RNF216: variants seen among roughly 807,000 people sequenced by gnomAD.
RNF216 encodes E3 ubiquitin-protein ligase RNF216.
RNF216 carries 72 observed loss-of-function variants against 110.8 expected under a neutral mutation model. That is an observed-to-expected ratio of 0.65 (90% CI 0.54 to 0.79). RNF216 has a LOEUF of 0.79. Among genes scored for constraint, RNF216 ranks in the 30% least tolerant of loss-of-function variants. RNF216 has a pLI of 0.00. For synonymous variants in RNF216, 495 were observed against 407.5 expected, an observed-to-expected ratio of 1.21 and a Z score of -2.59; for missense variants, 1,342 against 1,141.2, an observed-to-expected ratio of 1.18 and a Z score of -2.54.
At position 5,620,510 on chromosome 7, in the gene RNF216, G is replaced by C. The variant is rs1161481627; in HGVS notation, c.*2350C>G. On this transcript the variant is annotated 3_prime_UTR_variant, in exon 17 of 17. Coordinates refer to ENST00000389902, the MANE Select transcript of RNF216 (RefSeq NM_207111.4). ...TTCAGGCCCTGCCTCTGGACAGAGG[G>C]GCCTGGAGAACCAGGGTGGGTGCTC... 1 of 152,248 alleles carries C rather than the reference G, an allele frequency of 6.6e-6. No individual in the cohort carries two copies. Among genetic ancestry groups the C allele is most frequent in the Non-Finnish European group, 1.5e-5 (1 of 68,078 alleles). The allele number at this position is 152,248 out of a possible 1,614,324, so 9.4% of individuals were successfully genotyped here.
rs189087910 is a variant in RNF216 at position 5,660,637 on chromosome 7, G to A, written c.2062-8127C>T. ...GTGTCACCCAGGTTGGAGTGTAGTGGCACAATCTTGGCTCACTGCAGTCGC... is the reference window on the plus strand; with the variant it reads ...GTGTCACCCAGGTTGGAGTGTAGTGACACAATCTTGGCTCACTGCAGTCGC... On this transcript the variant is annotated intron_variant, in intron 13 of 16. Transcript: ENST00000389902. Among the ~76,000 whole-genome samples, 230 of 151,812 alleles carry A rather than the reference G, an allele frequency of 1.5e-3. 2 individuals are homozygous for A. Among genetic ancestry groups the A allele is most frequent in the African/African-American group, 5.3e-3 (219 of 41,394 alleles).
intron 15 of RNF216, among the ~76,000 whole-genome samples, chr7:5,628,621 C>T (rs1786865136): frequency 6.6e-6 from 1 of 151,900 alleles, no homozygotes; most frequent in South Asian, 2.1e-4. Context: ...CTCCTGGGCT[C>T]AAGAGATCTT....
intron 5 of RNF216, among the ~76,000 whole-genome samples, chr7:5,734,577 G>A (rs1171368650): frequency 1.3e-5 from 2 of 149,606 alleles, no homozygotes; most frequent in Non-Finnish European, 1.5e-5. Flanking sequence ...AGAAGAGTGA[G>A]TAACTGGCAT....
intron 5 of RNF216, 121 bp from the exon 6 acceptor site, chr7:5,730,938 A>C (rs1285103532): frequency 1.8e-5 from 25 of 1,404,046 alleles, no homozygotes; most frequent in Admixed American, 7.4e-5. Flanking sequence ...CCTATCAAGA[A>C]ATTAAGATGT....
At chr7:5,719,967 G>A (rs1325178161) in intron 9 of RNF216, among the ~76,000 whole-genome samples, 4 of 152,138 alleles carry the variant, frequency 2.6e-5, no homozygotes, top group Admixed American at 6.5e-5. Flanking sequence ...TGTTTCCAAC[G>A]GTCAAAACTT....
chr7:5,689,124 G>A (rs1791166971), intron 13 of RNF216, among the ~76,000 whole-genome samples: 1 of 152,054 alleles, frequency 6.6e-6, no homozygotes, highest in African/African-American at 2.4e-5. Context: ...TGCCTTGTGA[G>A]CCAATATGCA....
intron 4 of RNF216, among the ~76,000 whole-genome samples, chr7:5,740,685 C>A (rs1421987949): frequency 6.6e-6 from 1 of 151,874 alleles, no homozygotes; most frequent in Non-Finnish European, 1.5e-5. Context: ...TTGGAGTGAA[C>A]TCAAGGAATT....
chr7:5,766,018 T>C (rs1022207861), intron 1 of RNF216, among the ~76,000 whole-genome samples: 2 of 150,748 alleles, frequency 1.3e-5, no homozygotes, highest in African/African-American at 4.9e-5. Flanking sequence ...TGGCTCACAC[T>C]TGTAATCCAG....
chr7:5,689,947 AG>A (rs1231814415), intron 13 of RNF216, among the ~76,000 whole-genome samples: 2 of 151,298 alleles, frequency 1.3e-5, no homozygotes, highest in East Asian at 3.9e-4. Flanking sequence ...AAAAAAAAAA[AG>A]AACAGAAAAG....
chr7:5,678,337 C>T (rs1790436522), intron 13 of RNF216, among the ~76,000 whole-genome samples: 1 of 152,196 alleles, frequency 6.6e-6, no homozygotes, highest in African/African-American at 2.4e-5. Context: ...ATATTACCTG[C>T]GTTTCATAAA....
intron 6 of RNF216, 52 bp from the exon 7 acceptor site, chr7:5,729,648 A>T: frequency 2.1e-6 from 3 of 1,414,968 alleles, no homozygotes; most frequent in Middle Eastern, 1.8e-4. Flanking sequence ...CATTTCCCAT[A>T]CAGGGGAAAT....
intron 13 of RNF216, among the ~76,000 whole-genome samples, chr7:5,664,572 T>G (rs1401100259): frequency 6.6e-6 from 1 of 152,198 alleles, no homozygotes; most frequent in African/African-American, 2.4e-5. Flanking sequence ...TGAAAATGTG[T>G]GCCCAAGAGA....
chr7:5,727,629 G>A (rs137910011), intron 7 of RNF216, among the ~76,000 whole-genome samples: 41 of 152,280 alleles, frequency 2.7e-4, no homozygotes, highest in Admixed American at 1.8e-3. Flanking sequence ...CTACATGGGA[G>A]GCTGAGGCAG....
At position 5,702,744 on chromosome 7, in the gene RNF216, T is replaced by C. The variant is rs377240452; in HGVS notation, c.2061+9017A>G. ...TGCTTTTAAATTTTAAAAAGTGAAA[T>C]TTTAAAAAGTGAAAACTGACAGAAG... On this transcript the variant is annotated intron_variant, in intron 13 of 16. Transcript: ENST00000389902. Among the ~76,000 whole-genome samples, 20 of 152,212 alleles carry C rather than the reference T, an allele frequency of 1.3e-4. No homozygotes were observed. The East Asian group carries it at 3.7e-3, about 28-fold the overall frequency.
At chr7:5,640,733 T>C (rs1318494773) in intron 15 of RNF216, among the ~76,000 whole-genome samples, 1 of 152,238 alleles carries the variant, frequency 6.6e-6, no homozygotes, top group Admixed American at 6.5e-5. Context: ...GCTTTCTATT[T>C]GCTAATATTT....
chr7:5,712,132 A>G (rs1042478441), intron 12 of RNF216, among the ~76,000 whole-genome samples: 1 of 152,218 alleles, frequency 6.6e-6, no homozygotes, highest in African/African-American at 2.4e-5. Context: ...CCAGGGCACC[A>G]TGATTGTATC....
chr7:5,695,610 T>A (rs951459337), intron 13 of RNF216, among the ~76,000 whole-genome samples: 1 of 152,166 alleles, frequency 6.6e-6, no homozygotes, highest in Non-Finnish European at 1.5e-5. Flanking sequence ...GAAAAATGAA[T>A]TGCTTGCTAG....
chr7:5,711,565 G>C (rs937950987), intron 13 of RNF216, among the ~76,000 whole-genome samples, 196 bp downstream of exon 13: 2 of 152,140 alleles, frequency 1.3e-5, no homozygotes. Context: ...AACTGGAGTG[G>C]CAAGAGTGGC....
intron 13 of RNF216, among the ~76,000 whole-genome samples, chr7:5,660,020 T>C (rs2128584059): frequency 6.6e-6 from 1 of 151,330 alleles, no homozygotes; most frequent in African/African-American, 2.4e-5. Context: ...AGTGGTGCCA[T>C]TATAGCTCAC....
Sources: gnomAD v4.1 joint callset for allele counts (sites outside exome capture counted in the v4.1 genomes callset) on GRCh38, gnomAD v4.1.1 for gene constraint, MANE v1.5 for transcripts, NCBI Gene and HGNC (gene_info 2026-07-23, HGNC 2026-07-21) for gene names.